Variants in RRAGD observed in about 807,000 individuals in gnomAD.
RRAGD encodes the protein ras-related GTP-binding protein D.
In RRAGD, 12 loss-of-function variants were observed where a neutral mutation model predicts 35.5. The ratio of observed to expected loss-of-function variants is 0.34; its 90% CI spans 0.22 to 0.55. The LOEUF (loss-of-function observed/expected upper bound fraction) is 0.55. Ranked by LOEUF, RRAGD falls within the 20% of genes least tolerant of loss-of-function variation. The probability of loss-of-function intolerance (pLI) is 0.91; values close to 1 mark genes in which losing one functional copy is unlikely to be tolerated. For synonymous variants in RRAGD, 155 were observed against 178.9 expected, an observed-to-expected ratio of 0.87 and a Z score of 1.07; for missense variants, 324 against 490.1, an observed-to-expected ratio of 0.66 and a Z score of 3.20.
intron 5 of RRAGD, among the ~76,000 whole-genome samples, chr6:89,373,462 A>G (rs1253851411): frequency 3.9e-5 from 6 of 152,080 alleles, no homozygotes; most frequent in Non-Finnish European, 7.4e-5. Flanking sequence ...AAAATACAAA[A>G]ATTAGACAGG....
At chr6:89,382,931 T>C (rs2127888958) in intron 2 of RRAGD, among the ~76,000 whole-genome samples, 1 of 152,064 alleles carries the variant, frequency 6.6e-6, no homozygotes, top group East Asian at 1.9e-4. Flanking sequence ...GGATTCTGGG[T>C]CAGCAGATTA....
chr6:89,387,079 T>C (rs2127890635), intron 2 of RRAGD, among the ~76,000 whole-genome samples: 1 of 152,368 alleles, frequency 6.6e-6, no homozygotes, highest in Admixed American at 6.5e-5. Flanking sequence ...CCTAGGTCTA[T>C]GATTTGCTGA....
At chr6:89,377,951 T>C (rs1461172457) in intron 4 of RRAGD, 138 bp from the exon 5 acceptor site, 3 of 654,832 alleles carry the variant, frequency 4.6e-6, no homozygotes, top group East Asian at 2.8e-5. Context: ...AATTGTATCA[T>C]TTTATTACAA....
chr6:89,401,046 C>A (rs1769450340), intron 1 of RRAGD, among the ~76,000 whole-genome samples: 1 of 152,112 alleles, frequency 6.6e-6, no homozygotes, highest in Admixed American at 6.5e-5. Flanking sequence ...GACAAACTGG[C>A]AATTACCATG....
At chr6:89,403,405 A>G (rs1582524114) in intron 1 of RRAGD, among the ~76,000 whole-genome samples, 1 of 152,040 alleles carries the variant, frequency 6.6e-6, no homozygotes, top group East Asian at 1.9e-4. Context: ...AGATCGCGCC[A>G]CTGCACCCCA....
At chr6:89,402,884 A>G (rs1482700953) in intron 1 of RRAGD, among the ~76,000 whole-genome samples, 9 of 152,010 alleles carry the variant, frequency 5.9e-5, no homozygotes, top group Non-Finnish European at 1.3e-4. Flanking sequence ...ACCCACTCCA[A>G]CCTCTCATCA....
chr6:89,389,986 A>G lies in RRAGD; in HGVS notation c.149-2396T>C, dbSNP rs1013358114. Among the ~76,000 whole-genome samples the G allele has an allele frequency of 3.9e-5, 6 of 152,348 alleles. 1 individual carries two copies. The highest frequency in any genetic ancestry group is 2.6e-4 in the Admixed American group (4 of 15,300). On this transcript the variant is annotated intron_variant, in intron 1 of 6. Coordinates refer to ENST00000369415, the MANE Select transcript of RRAGD (RefSeq NM_021244.5). ...CCAACTGGATATCCACATGCAAAAG[A>G]ATGAAGTTAGACCCTTATGTCATAC... is the stretch of plus-strand genomic sequence containing the variant.
At position 89,411,566 on chromosome 6, in the gene RRAGD, T is replaced by A. The variant is rs1274145878; in HGVS notation, c.148+280A>T. On this transcript the variant is annotated intron_variant, in intron 1 of 6. Transcript: ENST00000369415. This position sits in a 1 kb window ranked among gnomAD's most constrained non-coding sequence, Gnocchi z 5.6. ...TGAGGGGCGCGGGAGGCACCGGCTC[T>A]GAAAGGGGCAGAAGCGCGCGCTCCT... 1.6e-5 allele frequency: 7 copies of A among 446,236 alleles called. No individual in the cohort carries two copies. The highest frequency in any genetic ancestry group is 1.5e-4 in the African/African-American group (7 of 47,526). The allele number at this position is 446,236 out of a possible 1,614,324, so 27.6% of individuals were successfully genotyped here. A position where few individuals can be genotyped will look rare whatever the true frequency, so the allele number is the denominator to read the frequency against.
chr6:89,381,756 C>CT (rs1769047187), intron 2 of RRAGD, among the ~76,000 whole-genome samples: 1 of 152,130 alleles, frequency 6.6e-6, no homozygotes, highest in African/African-American at 2.4e-5. Flanking sequence ...ATAAAACTTC[C>CT]TTTTATGGAT....
intron 2 of RRAGD, among the ~76,000 whole-genome samples, chr6:89,381,038 T>C (rs1035691047): frequency 9.2e-5 from 14 of 151,980 alleles, no homozygotes; most frequent in African/African-American, 3.1e-4. Context: ...TGATGAACAA[T>C]TAGAGATGGA....
At chr6:89,402,088 C>T (rs898543563) in intron 1 of RRAGD, among the ~76,000 whole-genome samples, 3 of 129,370 alleles carry the variant, frequency 2.3e-5, no homozygotes, top group Non-Finnish European at 4.6e-5. Context: ...AGCTGTGTCA[C>T]CCAGGCTAGA....
At position 89,367,723 on chromosome 6, in the gene RRAGD, GT is replaced by G. The variant is rs1562439900; in HGVS notation, c.*332del. 4.9e-6 allele frequency: 1 copy of G among 205,854 alleles called. No homozygotes were observed. The highest frequency in any genetic ancestry group is 9.6e-6 in the Non-Finnish European group (1 of 103,984). 12.8% of individuals were successfully genotyped at this position (205,854 alleles called of 1,614,324 possible). A position where few individuals can be genotyped will look rare whatever the true frequency, so the allele number is the denominator to read the frequency against. On this transcript the variant is annotated 3_prime_UTR_variant, in exon 7 of 7. Coordinates refer to ENST00000369415, the MANE Select transcript of RRAGD (RefSeq NM_021244.5). ...AGCTTAGAAAAGTCGTTTTATCAAAGTTCAGTTCAATGAGAAACATGAAAAA... is the reference window on the plus strand; with the variant it reads ...AGCTTAGAAAAGTCGTTTTATCAAAGTCAGTTCAATGAGAAACATGAAAAA...
intron 1 of RRAGD, among the ~76,000 whole-genome samples, chr6:89,395,963 A>G (rs1334282758): frequency 4.1e-5 from 4 of 96,850 alleles, no homozygotes; most frequent in Non-Finnish European, 7.9e-5. Flanking sequence ...CTGGACATCC[A>G]TATGCCAAAA....
In RRAGD at chr6:89,387,607, A is replaced by G. The variant is rs577781565; in HGVS notation, c.149-17T>C. The G allele has an allele frequency of 1.2e-6, 2 of 1,600,232 alleles. No individual in the cohort carries two copies. Among genetic ancestry groups the G allele is most frequent in the South Asian group, 1.1e-5 (1 of 89,522 alleles). On this transcript the variant is annotated splice_polypyrimidine_tract_variant and intron_variant, in intron 1 of 6. Coordinates refer to ENST00000369415, the MANE Select transcript of RRAGD (RefSeq NM_021244.5). ...AGTCCAGAACTGGAGAAACCACAAA[A>G]TGAGAATGAAGGTGAGATGCTTTCA... is the stretch of plus-strand genomic sequence containing the variant.
intron 1 of RRAGD, among the ~76,000 whole-genome samples, chr6:89,394,790 G>A (rs1325256240): frequency 1.3e-5 from 2 of 152,040 alleles, no homozygotes; most frequent in Non-Finnish European, 2.9e-5. Flanking sequence ...GGTCCAGAAG[G>A]ATACACAGCA....
chr6:89,409,860 G>A (rs763858072), intron 1 of RRAGD, among the ~76,000 whole-genome samples: 4 of 152,218 alleles, frequency 2.6e-5, no homozygotes, highest in African/African-American at 4.8e-5. Context: ...GGCCCAGGTG[G>A]ACAGAGACCA....
chr6:89,383,103 T>C (rs1769077420), intron 2 of RRAGD, among the ~76,000 whole-genome samples: 1 of 152,224 alleles, frequency 6.6e-6, no homozygotes, highest in Non-Finnish European at 1.5e-5. Context: ...GGAAATATTC[T>C]ATATCTTGAA....
intron 5 of RRAGD, among the ~76,000 whole-genome samples, chr6:89,373,539 A>G (rs1158927391): frequency 2.0e-5 from 3 of 150,730 alleles, no homozygotes; most frequent in Admixed American, 6.7e-5. Flanking sequence ...AATCCCTTGA[A>G]CCCAGGAGGC....
chr6:89,408,048 A>G (rs957734419), intron 1 of RRAGD, among the ~76,000 whole-genome samples: 2 of 152,136 alleles, frequency 1.3e-5, no homozygotes, highest in African/African-American at 4.8e-5. Flanking sequence ...CATCATTTTA[A>G]CCTATTATGT....
Sources: gnomAD v4.1 joint callset for allele counts (sites outside exome capture counted in the v4.1 genomes callset) on GRCh38, gnomAD v4.1.1 for gene constraint, Gnocchi (gnomAD v3.1) non-coding constraint, MANE v1.5 for transcripts, NCBI Gene and HGNC (gene_info 2026-07-23, HGNC 2026-07-21) for gene names.